Variants in DOK6 observed in about 807,000 individuals in gnomAD.
The protein encoded by DOK6 is docking protein 6.
Under a neutral mutation model 44.0 loss-of-function variants are expected in DOK6, and 22 were observed. That is an observed-to-expected ratio of 0.50 (90% CI 0.36 to 0.71). The LOEUF (loss-of-function observed/expected upper bound fraction) is 0.71. DOK6 is among the 30% of genes least tolerant of loss of function. DOK6 has a pLI of 0.00. For missense variants in DOK6, 340 were observed against 416.4 expected, an observed-to-expected ratio of 0.82 and a Z score of 1.60; for synonymous variants, 166 against 145.5, an observed-to-expected ratio of 1.14 and a Z score of -1.01.
At chr18:69,755,885 G>C (rs2144752823) in intron 6 of DOK6, among the ~76,000 whole-genome samples, 1 of 152,318 alleles carries the variant, frequency 6.6e-6, no homozygotes, top group Middle Eastern at 3.4e-3. Context: ...CAAAAGGGGA[G>C]CTCTCAGCAA....
chr18:69,428,089 A>G (rs1599126191), intron 1 of DOK6, among the ~76,000 whole-genome samples: 1 of 152,096 alleles, frequency 6.6e-6, no homozygotes, highest in Non-Finnish European at 1.5e-5. Flanking sequence ...GGAGTACCCT[A>G]CTTTTAAAGT....
chr18:69,484,553 G>T (rs1297759484), intron 1 of DOK6, among the ~76,000 whole-genome samples: 1 of 152,108 alleles, frequency 6.6e-6, no homozygotes, highest in Non-Finnish European at 1.5e-5. Flanking sequence ...CTGAACCATT[G>T]CTCCTAGAGG....
chr18:69,691,161 C>T (rs149358102), intron 4 of DOK6, among the ~76,000 whole-genome samples: 12 of 148,458 alleles, frequency 8.1e-5, no homozygotes, highest in Admixed American at 2.0e-4. Flanking sequence ...CCAGCCCGGG[C>T]GACAAGAGCG....
At chr18:69,736,223 A>G (rs888856010) in intron 5 of DOK6, among the ~76,000 whole-genome samples, 1 of 152,192 alleles carries the variant, frequency 6.6e-6, no homozygotes, top group Non-Finnish European at 1.5e-5. Context: ...TATATGATAC[A>G]TTTATATGAC....
chr18:69,645,263 G>A (rs79607433), intron 3 of DOK6, among the ~76,000 whole-genome samples: 10,583 of 152,190 alleles, frequency 0.07, 422 homozygotes, highest in Admixed American at 0.1. Flanking sequence ...AGAGGTGCAT[G>A]CACCACACTC....
chr18:69,803,091 G>A (rs1363254096), intron 7 of DOK6, among the ~76,000 whole-genome samples: 1 of 151,960 alleles, frequency 6.6e-6, no homozygotes, highest in East Asian at 1.9e-4. Context: ...ATTTTATGAT[G>A]TTATATATAC....
intron 1 of DOK6, among the ~76,000 whole-genome samples, chr18:69,458,177 C>T (rs1023576887): frequency 2.6e-5 from 4 of 152,088 alleles, no homozygotes; most frequent in East Asian, 1.9e-4. Flanking sequence ...AAAAACAAAA[C>T]GAAACAAAAA....
chr18:69,734,953 A>G (rs1978554059), intron 5 of DOK6, among the ~76,000 whole-genome samples: 1 of 152,218 alleles, frequency 6.6e-6, no homozygotes, highest in African/African-American at 2.4e-5. Context: ...GGCGTGGTCT[A>G]GTAGTTCAAT....
chr18:69,476,398 A>C (rs1250691445), intron 1 of DOK6, among the ~76,000 whole-genome samples: 1 of 152,074 alleles, frequency 6.6e-6, no homozygotes, highest in Non-Finnish European at 1.5e-5. Flanking sequence ...AAAACTCAGG[A>C]ATTTTGTTTT....
chr18:69,676,600 G>A (rs537652445), intron 3 of DOK6, among the ~76,000 whole-genome samples: 1 of 152,238 alleles, frequency 6.6e-6, no homozygotes, highest in East Asian at 1.9e-4. Flanking sequence ...ATGCTGTATG[G>A]AAAAGTCAGA....
At chr18:69,410,912 G>A (rs776960060) in intron 1 of DOK6, among the ~76,000 whole-genome samples, 3 of 152,050 alleles carry the variant, frequency 2.0e-5, no homozygotes, top group Non-Finnish European at 2.9e-5. Flanking sequence ...ATAAACCTGG[G>A]CTCATGGCTG....
intron 1 of DOK6, among the ~76,000 whole-genome samples, chr18:69,449,132 T>C (rs964989588): frequency 6.6e-6 from 1 of 152,252 alleles, no homozygotes; most frequent in Non-Finnish European, 1.5e-5. Context: ...TTAGTTGTGG[T>C]CTTTAATTAC....
intron 5 of DOK6, among the ~76,000 whole-genome samples, chr18:69,714,989 C>A (rs1986850567): frequency 6.6e-6 from 1 of 151,910 alleles, no homozygotes; most frequent in Non-Finnish European, 1.5e-5. Context: ...GTAATAAATA[C>A]AATATGAGAC....
intron 3 of DOK6, chr18:69,663,078 T>G (rs1568326312): frequency 6.6e-6 from 1 of 152,248 alleles, no homozygotes; most frequent in Non-Finnish European, 1.5e-5. Context: ...AAAGGCAGTC[T>G]GCCTGCAGAA....
chr18:69,682,444 C>A (rs2144689665), intron 4 of DOK6, among the ~76,000 whole-genome samples: 1 of 152,292 alleles, frequency 6.6e-6, no homozygotes, highest in South Asian at 2.1e-4. Flanking sequence ...GAGACTGGCT[C>A]CAAGCTGCAG....
Position 69,576,884 on chromosome 18 carries a change from C to T in DOK6, c.174+12290C>T, listed in dbSNP as rs565422211. 2.0e-5 allele frequency among the ~76,000 whole-genome samples: 3 copies of T among 152,172 alleles called. No homozygotes were observed. The East Asian group carries it at 5.8e-4, about 29-fold the overall frequency. ...AGATGAAAAAGTAGCAGTTTATAGA[C>T]ATTTTAATAAAATAAATATGAGTTC... On this transcript the variant is annotated intron_variant, in intron 2 of 7. Coordinates refer to ENST00000382713, the MANE Select transcript of DOK6 (RefSeq NM_152721.6).
intron 3 of DOK6, among the ~76,000 whole-genome samples, chr18:69,620,764 C>T (rs767581812): frequency 6.6e-6 from 1 of 152,162 alleles, no homozygotes; most frequent in African/African-American, 2.4e-5. Context: ...TTCTGAAACT[C>T]GTAGGTTTTT....
chr18:69,666,858 G>A (rs1471636908), intron 3 of DOK6, among the ~76,000 whole-genome samples: 1 of 152,176 alleles, frequency 6.6e-6, no homozygotes, highest in Non-Finnish European at 1.5e-5. Flanking sequence ...TGTGTACTCA[G>A]CATGAGACCA....
rs1364802066 is a variant in DOK6, at chr18:69,706,779, C to T, written c.599+8186C>T. 3.8e-3 allele frequency among the ~76,000 whole-genome samples: 558 copies of T among 148,174 alleles called. 6 individuals are homozygous for T. The highest frequency in any genetic ancestry group is 0.013 in the African/African-American group (532 of 39,972). The stretch of plus-strand genomic sequence containing the variant: ...ATTCCCACCTATGAGTGAGAACATG[C>T]GGTGTTTGGTTTTTTTGTCCTTGTG... On this transcript the variant is annotated intron_variant, in intron 5 of 7. Transcript: ENST00000382713.
Sources: allele counts gnomAD v4.1 joint callset (sites outside exome capture counted in the v4.1 genomes callset), GRCh38; gene constraint gnomAD v4.1.1; transcripts MANE v1.5; gene names NCBI Gene and HGNC (gene_info 2026-07-23, HGNC 2026-07-21).